ZNF440: variants seen among roughly 807,000 people sequenced by gnomAD.
ZNF440 encodes the protein zinc finger protein 440.
Under a neutral mutation model 49.7 loss-of-function variants are expected in ZNF440, and 47 were observed. The observed-to-expected ratio is 0.95, with a 90% CI of 0.75 to 1.21. The LOEUF (loss-of-function observed/expected upper bound fraction) is 1.21, where lower values mean the gene tolerates loss of function less well. Among genes scored for constraint, ZNF440 ranks in the 50% most tolerant of loss-of-function variants. ZNF440 has a pLI of 0.00. For missense variants in ZNF440, 703 were observed against 715.0 expected (o/e 0.98, Z 0.19); for synonymous variants, 255 against 237.7 (o/e 1.07, Z -0.67).
rs370150511 is a variant in ZNF440 at position 11,832,327 on chromosome 19, G to A, written c.1151G>A (p.Arg384Gln). The change falls in exon 4 of 4, where the codon CGA becomes CAA. Residue 384 changes from arginine (R) to glutamine (Q), a missense_variant. Transcript: ENST00000304060. ...GKAFPHSSSL[R>Q]YHERTHTGEK... ...GCCTTCCCTCATTCCAGTTCCCTTC[G>A]ATATCATGAAAGGACTCACACTGGA... is the stretch of plus-strand genomic sequence containing the variant. 1.6e-5 allele frequency: 26 copies of A among 1,613,852 alleles called. No individual in the cohort carries two copies. The highest frequency in any genetic ancestry group is 9.9e-5 in the South Asian group (9 of 91,062).
chr19:11,832,910 C>T lies in ZNF440; in HGVS notation c.1734C>T (p.Asn578=). The T allele has an allele frequency of 3.1e-6, 5 of 1,610,554 alleles. No individual in the cohort carries two copies. Among genetic ancestry groups the T allele is most frequent in the South Asian group, 1.1e-5 (1 of 90,790 alleles). ...RSPMHVRNVG[N]PSDLPRTFEF... Reference sequence around the variant, plus strand: ...CTATGCATGTAAGGAATGTGGGAAACCCTTCGGATCTGCCCAGAACCTTCG... The same window carrying T: ...CTATGCATGTAAGGAATGTGGGAAATCCTTCGGATCTGCCCAGAACCTTCG... Residue 578 remains asparagine, a synonymous_variant, in exon 4 of 4, where the codon AAC becomes AAT. Transcript: ENST00000304060.
In ZNF440 at chr19:11,832,666, T is replaced by G. The variant is rs1489623943; in HGVS notation, c.1490T>G (p.Val497Gly). The G allele has an allele frequency of 6.2e-7, 1 of 1,613,290 alleles. No homozygotes were observed. Among genetic ancestry groups the G allele is most frequent in the Non-Finnish European group, 8.5e-7 (1 of 1,179,806 alleles). The change falls in exon 4 of 4, where the codon GTA becomes GGA. Residue 497 changes from valine (V) to glycine (G), a missense_variant. Physicochemically the swap from Val to Gly is moderately radical, Grantham distance 109. Transcript: ENST00000304060. ...ECKQRSVVPS[V>G]VPVPFDIMKG... The stretch of plus-strand genomic sequence containing the variant: ...AAGCAACGTTCAGTAGTTCCTTCAG[T>G]AGTTCCAGTTCCTTTTGATATCATG...
Position 11,827,317 on chromosome 19 carries a change from C to T in ZNF440, c.4-2966C>T, listed in dbSNP as rs1975879726. On this transcript the variant is annotated intron_variant, in intron 1 of 3. Transcript: ENST00000304060. ...GACCTCGGTGATCCACCCGTCTCTG[C>T]CTCCCAAAGTGCTGGGATTAAGGCA... Among the ~76,000 whole-genome samples, 3 of 152,112 alleles carry T rather than the reference C, an allele frequency of 2.0e-5. No individual in the cohort carries two copies. In the South Asian group the frequency reaches 6.2e-4, roughly 31 times the overall value.
At chr19:11,821,599 G>A (rs1473646859) in intron 1 of ZNF440, among the ~76,000 whole-genome samples, 1 of 152,158 alleles carries the variant, frequency 6.6e-6, no homozygotes, top group African/African-American at 2.4e-5. Flanking sequence ...GGGGTATAGT[G>A]CAGTGTTGGT....
rs746955013 is a variant in ZNF440 at position 11,831,790 on chromosome 19, G to A, written c.614G>A (p.Cys205Tyr). 8.7e-6 allele frequency: 14 copies of A among 1,609,326 alleles called. No homozygotes were observed. The Admixed American group carries it at 2.0e-4, about 23-fold the overall frequency. ...SGDGPYKCKF[C>Y]GKAFHCLRLY... ...GATGGACCTTATAAATGTAAGTTTTGTGGGAAAGCATTCCATTGTCTCAGA... is the reference window on the plus strand; with the variant it reads ...GATGGACCTTATAAATGTAAGTTTTATGGGAAAGCATTCCATTGTCTCAGA... Residue 205 changes from cysteine (C) to tyrosine (Y), a missense_variant, in exon 4 of 4, where the codon TGT becomes TAT. Cys to Tyr is a radical substitution (Grantham distance 194). Coordinates refer to ENST00000304060, the MANE Select transcript of ZNF440 (RefSeq NM_152357.3).
chr19:11,823,376 T>C (rs1445614143), intron 1 of ZNF440, among the ~76,000 whole-genome samples: 1 of 152,222 alleles, frequency 6.6e-6, no homozygotes, highest in Non-Finnish European at 1.5e-5. Context: ...CCATACTCTA[T>C]AGAGCATCTT....
intron 1 of ZNF440, among the ~76,000 whole-genome samples, chr19:11,824,750 C>T (rs1198175979): frequency 6.7e-6 from 1 of 149,068 alleles, no homozygotes; most frequent in Non-Finnish European, 1.5e-5. Context: ...CTCTGTTGCC[C>T]AGGCTGGAGT....
intron 1 of ZNF440, among the ~76,000 whole-genome samples, chr19:11,818,416 G>T (rs1311077597): frequency 6.6e-6 from 1 of 152,084 alleles, no homozygotes; most frequent in Non-Finnish European, 1.5e-5. Flanking sequence ...AGATGGAGCT[G>T]AACTTAAATT....
rs375158417 is a variant in ZNF440 at position 11,832,648 on chromosome 19, G to T, written c.1472G>T (p.Arg491Leu). The T allele has an allele frequency of 1.9e-6, 3 of 1,613,426 alleles. No individual in the cohort carries two copies. In the African/African-American group the frequency reaches 4.0e-5, roughly 22 times the overall value. ...GAGAAACTCTATGAATGCAAGCAAC[G>T]TTCAGTAGTTCCTTCAGTAGTTCCA... The part of the protein sequence containing the change: ...TGEKLYECKQ[R>L]SVVPSVVPVP... Residue 491 changes from arginine (R) to leucine (L), a missense_variant, in exon 4 of 4, where the codon CGT becomes CTT. Physicochemically the swap from Arg to Leu is moderately radical, Grantham distance 102 (BLOSUM62 -2). Transcript: ENST00000304060.
In ZNF440 at chr19:11,819,137, C is replaced by G. The variant is rs185914740; in HGVS notation, c.3+4687C>G. ...AGCCTGGGCAACATAGTGAGACCCT[C>G]CCCCCCATCTCAATTATGAAAAATC... On this transcript the variant is annotated intron_variant, in intron 1 of 3. Coordinates refer to ENST00000304060, the MANE Select transcript of ZNF440 (RefSeq NM_152357.3). 7.6e-4 allele frequency among the ~76,000 whole-genome samples: 115 copies of G among 151,820 alleles called. 1 individual carries two copies. Among genetic ancestry groups the G allele is most frequent in the Non-Finnish European group, 3.7e-4 (25 of 67,920 alleles).
chr19:11,815,374 C>T (rs1975721099), intron 1 of ZNF440, among the ~76,000 whole-genome samples: 1 of 151,438 alleles, frequency 6.6e-6, no homozygotes, highest in African/African-American at 2.4e-5. Flanking sequence ...CTGTCCGTTA[C>T]TAGGCGGGAA....
chr19:11,832,758 C>G lies in ZNF440; in HGVS notation c.1582C>G (p.Gln528Glu). Residue 528 changes from glutamine (Q) to glutamate (E), a missense_variant, in exon 4 of 4, where the codon CAA becomes GAA. By Grantham distance (29) the Gln-to-Glu change is conservative. Transcript: ENST00000304060. ...SNVGKPSELC[Q>E]SFECMVGLTL... ...TGTGGGAAAGCCTTCAGAGCTGTGT[C>G]AATCCTTTGAATGCATGGTAGGACT... is the stretch of plus-strand genomic sequence containing the variant. 6.2e-7 allele frequency: 1 copy of G among 1,612,850 alleles called. No individual in the cohort carries two copies. Among genetic ancestry groups the G allele is most frequent in the Non-Finnish European group, 8.5e-7 (1 of 1,179,622 alleles).
chr19:11,822,845 TA>T lies in ZNF440; in HGVS notation c.4-7422del, dbSNP rs547706900. ...CTGGGCAACAAGAGTGAAACTCCGT[TA>T]AAAAAAAAAAAAAAAGATGCCCTGG... On this transcript the variant is annotated intron_variant, in intron 1 of 3. Coordinates refer to ENST00000304060, the MANE Select transcript of ZNF440 (RefSeq NM_152357.3). 5.7e-3 allele frequency among the ~76,000 whole-genome samples: 671 copies of T among 117,392 alleles called. 2 individuals carry two copies. Among genetic ancestry groups the T allele is most frequent in the Middle Eastern group, 0.014 (3 of 214 alleles). The allele number at this position is 117,392 out of a possible 152,430, so 77.0% of individuals were successfully genotyped here. A position where few individuals can be genotyped will look rare whatever the true frequency, so the allele number is the denominator to read the frequency against.
chr19:11,828,156 G>C (rs1458113799), intron 1 of ZNF440, among the ~76,000 whole-genome samples: 2 of 152,126 alleles, frequency 1.3e-5, no homozygotes, highest in Non-Finnish European at 2.9e-5. Flanking sequence ...AGGCTTGTCA[G>C]ATGCCTTTTC....
chr19:11,833,030 T>C lies in ZNF440; in HGVS notation c.*66T>C. 6.3e-7 allele frequency: 1 copy of C among 1,598,084 alleles called. No homozygotes were observed. The highest frequency in any genetic ancestry group is 1.1e-5 in the South Asian group (1 of 89,146). ...GAGGGGCTTTTATTCTGCCAAGTCA[T>C]TTCAAATACATGAAAAATCTTACAC... On this transcript the variant is annotated 3_prime_UTR_variant, in exon 4 of 4. Coordinates refer to ENST00000304060, the MANE Select transcript of ZNF440 (RefSeq NM_152357.3).
At chr19:11,826,476 A>G (rs1975867694) in intron 1 of ZNF440, among the ~76,000 whole-genome samples, 1 of 152,114 alleles carries the variant, frequency 6.6e-6, no homozygotes, top group Admixed American at 6.6e-5. Context: ...CAGTAAGACC[A>G]TGCCTATTTT....
At chr19:11,820,210 G>A (rs1386283803) in intron 1 of ZNF440, among the ~76,000 whole-genome samples, 3 of 151,870 alleles carry the variant, frequency 2.0e-5, no homozygotes, top group Non-Finnish European at 2.9e-5. Context: ...ATACACCCTC[G>A]TATCCTTTTT....
Position 11,830,360 on chromosome 19 carries a change from A to G in ZNF440, c.81A>G (p.Lys27=), listed in dbSNP as rs1975920253. The G allele has an allele frequency of 6.2e-7, 1 of 1,613,860 alleles. No individual in the cohort carries two copies. Among genetic ancestry groups the G allele is most frequent in the South Asian group, 1.1e-5 (1 of 91,086 alleles). ...EWALLDISQR[K]LYREVMLETF... is the part of the protein sequence containing the mutation. ...CTTTGCTGGATATTTCCCAGAGGAA[A>G]CTCTACAGGGAAGTGATGCTGGAAA... Residue 27 remains lysine, a synonymous_variant, in exon 2 of 4, where the codon AAA becomes AAG. Transcript: ENST00000304060.
At chr19:11,827,673 T>G (rs558066225) in intron 1 of ZNF440, 1 of 152,338 alleles carries the variant, frequency 6.6e-6, no homozygotes, top group Admixed American at 6.5e-5. Flanking sequence ...AAGTAAACGA[T>G]TCATTAGGAA....
Sources: gnomAD v4.1 joint callset for allele counts (sites outside exome capture counted in the v4.1 genomes callset) on GRCh38, gnomAD v4.1.1 for gene constraint, MANE v1.5 for transcripts, NCBI Gene and HGNC (gene_info 2026-07-23, HGNC 2026-07-21) for gene names.